The following PPP1R16B variants were observed in gnomAD, a reference collection of about 807,000 sequenced individuals.
PPP1R16B encodes protein phosphatase 1 regulatory inhibitor subunit 16B.
In PPP1R16B, 14 loss-of-function variants were observed where a neutral mutation model predicts 61.7. The observed-to-expected ratio is 0.23, with a 90% CI of 0.15 to 0.35. The LOEUF (loss-of-function observed/expected upper bound fraction) is 0.35. Among genes scored for constraint, PPP1R16B ranks in the 10% least tolerant of loss-of-function variants. PPP1R16B has a pLI of 1.00. For synonymous variants in PPP1R16B, 266 were observed against 305.3 expected (o/e 0.87, Z 1.34); for missense variants, 547 against 752.5 (o/e 0.73, Z 3.19).
At chr20:38,835,677 A>G (rs1286920710) in intron 1 of PPP1R16B, 148 bp from the exon 2 acceptor site, 3 of 484,814 alleles carry the variant, frequency 6.2e-6, no homozygotes, top group African/African-American at 5.9e-5. Flanking sequence ...TGATACTTAC[A>G]GGGCCACTGT....
chr20:38,860,252 G>A lies in PPP1R16B; in HGVS notation c.250+24077G>A, dbSNP rs538966979. Among the ~76,000 whole-genome samples, 6 of 152,170 alleles carry A rather than the reference G, an allele frequency of 3.9e-5. No homozygotes were observed. The South Asian group carries it at 6.2e-4, about 16-fold the overall frequency. ...CATAGTGCTGGGATTAAAGGCATGC[G>A]CCACCATGCCCGGCTAATTTTGTAT... On this transcript the variant is annotated intron_variant, in intron 2 of 10. Coordinates refer to ENST00000299824, the MANE Select transcript of PPP1R16B (RefSeq NM_015568.4).
chr20:38,826,596 C>T (rs555009006), intron 1 of PPP1R16B, among the ~76,000 whole-genome samples: 3 of 152,212 alleles, frequency 2.0e-5, no homozygotes, highest in African/African-American at 7.2e-5. Flanking sequence ...TTCACCCTGA[C>T]AGGCAGAACC....
intron 2 of PPP1R16B, among the ~76,000 whole-genome samples, chr20:38,888,324 C>T (rs377388061): frequency 5.3e-5 from 8 of 152,182 alleles, no homozygotes; most frequent in African/African-American, 1.2e-4. Context: ...CACGATGGCA[C>T]GAGGGCCACC....
At chr20:38,884,102 G>A (rs966623701) in intron 2 of PPP1R16B, among the ~76,000 whole-genome samples, 2 of 152,178 alleles carry the variant, frequency 1.3e-5, no homozygotes, top group South Asian at 4.2e-4. Context: ...TCTCGTCTTT[G>A]TGCTCCCTGA....
intron 2 of PPP1R16B, among the ~76,000 whole-genome samples, chr20:38,861,366 G>A (rs2085049384): frequency 6.6e-6 from 1 of 152,222 alleles, no homozygotes; most frequent in Non-Finnish European, 1.5e-5. Context: ...CCTTCCCACT[G>A]AGGGAGGTAG....
At chr20:38,808,522 G>A (rs1056071151) in intron 1 of PPP1R16B, among the ~76,000 whole-genome samples, 8 of 152,144 alleles carry the variant, frequency 5.3e-5, no homozygotes, top group African/African-American at 1.2e-4. Context: ...AGAAGGGCTC[G>A]GACAAGCCTG....
intron 3 of PPP1R16B, among the ~76,000 whole-genome samples, chr20:38,894,474 C>T (rs1601296342): frequency 6.6e-6 from 1 of 152,342 alleles, no homozygotes; most frequent in African/African-American, 2.4e-5. Flanking sequence ...GGCGTGCACG[C>T]GCACACACAC....
At chr20:38,845,307 T>C (rs1325611728) in intron 2 of PPP1R16B, among the ~76,000 whole-genome samples, 1 of 151,862 alleles carries the variant, frequency 6.6e-6, no homozygotes, top group East Asian at 1.9e-4. Context: ...TAGGGCCAAA[T>C]GTGGTGGCTC....
At position 38,922,438 on chromosome 20, in the gene PPP1R16B, T is replaced by C. The variant is rs1297103697; in HGVS notation, c.*3772T>C. The C allele has an allele frequency of 6.6e-6, 1 of 152,664 alleles. No homozygotes were observed. The highest frequency in any genetic ancestry group is 1.9e-4 in the East Asian group (1 of 5,200). 9.5% of individuals were successfully genotyped at this position (152,664 alleles called of 1,614,324 possible). On this transcript the variant is annotated 3_prime_UTR_variant, in exon 11 of 11. Transcript: ENST00000299824. ...TATTTAACTCTTGCTATTTGTAACTTGGGGATGGTCTCCCCTGCCCCAGGG... is the reference window on the plus strand; with the variant it reads ...TATTTAACTCTTGCTATTTGTAACTCGGGGATGGTCTCCCCTGCCCCAGGG...
At chr20:38,813,420 A>C (rs992473839) in intron 1 of PPP1R16B, among the ~76,000 whole-genome samples, 2 of 152,218 alleles carry the variant, frequency 1.3e-5, no homozygotes, top group Non-Finnish European at 2.9e-5. Context: ...GTATTTTCTC[A>C]AAGTGTGCCA....
Position 38,836,237 on chromosome 20 carries a change from T to C in PPP1R16B, c.250+62T>C, listed in dbSNP as rs950523785. ...CTTGGCCTCTGATCAGGGTTTGGAA[T>C]CCAGGTTCTGTGCAGTAGACGTGTG... On this transcript the variant is annotated intron_variant, in intron 2 of 10. Transcript: ENST00000299824. The C allele has an allele frequency of 7.7e-5, 120 of 1,558,600 alleles. 1 individual carries two copies. In the African/African-American group the frequency reaches 1.5e-3, roughly 20 times the overall value.
In PPP1R16B at chr20:38,834,593, AG is replaced by A. The variant is rs530389981; in HGVS notation, c.-101-1231del. Among the ~76,000 whole-genome samples the A allele has an allele frequency of 1.6e-3, 250 of 152,312 alleles. 3 individuals are homozygous for A. The highest frequency in any genetic ancestry group is 5.9e-3 in the African/African-American group (245 of 41,578). On this transcript the variant is annotated intron_variant, in intron 1 of 10. Transcript: ENST00000299824. ...AAGATTTTCTATGTCCCAGTAGTTC[AG>A]CAGTTTTTAAACTTTTTTGTCTTAG...
At chr20:38,829,976 T>C (rs1247096079) in intron 1 of PPP1R16B, among the ~76,000 whole-genome samples, 1 of 152,244 alleles carries the variant, frequency 6.6e-6, no homozygotes, top group Non-Finnish European at 1.5e-5. Flanking sequence ...CCCCTTTTAC[T>C]GGCCCTTGGG....
rs772960147 is a variant in PPP1R16B at position 38,918,516 on chromosome 20, C to T, written c.1554C>T (p.Ala518=). 2.5e-6 allele frequency: 4 copies of T among 1,598,302 alleles called. No homozygotes were observed. The highest frequency in any genetic ancestry group is 2.2e-5 in the East Asian group (1 of 44,654). ...RTGESSSEGK[A]PLIGGRTSPY... ...GCGAGAGTAGCAGTGAAGGCAAGGC[C>T]CCCTTGATCGGAGGCAGAACTTCAC... Residue 518 remains alanine, a synonymous_variant, in exon 11 of 11, where the codon GCC becomes GCT. Coordinates refer to ENST00000299824, the MANE Select transcript of PPP1R16B (RefSeq NM_015568.4). This position sits in a 1 kb window ranked among gnomAD's most constrained non-coding sequence, Gnocchi z 5.3.
intron 2 of PPP1R16B, among the ~76,000 whole-genome samples, chr20:38,857,896 T>A (rs1355307909): frequency 1.3e-5 from 2 of 151,956 alleles, no homozygotes; most frequent in African/African-American, 4.8e-5. Context: ...TAGGACACTA[T>A]CTTATCTGAG....
intron 5 of PPP1R16B, among the ~76,000 whole-genome samples, chr20:38,901,780 G>C (rs2085395883): frequency 6.6e-6 from 1 of 152,200 alleles, no homozygotes; most frequent in Non-Finnish European, 1.5e-5. Context: ...TAAAGCGTAA[G>C]TACCAAAACA....
intron 2 of PPP1R16B, among the ~76,000 whole-genome samples, chr20:38,837,054 C>T (rs2084877163): frequency 6.6e-6 from 1 of 152,236 alleles, no homozygotes; most frequent in Non-Finnish European, 1.5e-5. Context: ...TGCCAGACCC[C>T]ATGCCTGGCA....
intron 3 of PPP1R16B, among the ~76,000 whole-genome samples, chr20:38,893,577 T>TGGGAGGATGC (rs2085307821): frequency 6.7e-6 from 1 of 148,974 alleles, no homozygotes; most frequent in Non-Finnish European, 1.5e-5. Context: ...AGGGAGGAAG[T>TGGGAGGATGC]GGGAGGAGGC....
chr20:38,903,141 A>T (rs1333376477), intron 6 of PPP1R16B, among the ~76,000 whole-genome samples: 1 of 152,150 alleles, frequency 6.6e-6, no homozygotes, highest in Non-Finnish European at 1.5e-5. Flanking sequence ...TTTAATAAAC[A>T]AACAAACAAA....
Sources: gnomAD v4.1 joint callset for allele counts (sites outside exome capture counted in the v4.1 genomes callset) on GRCh38, gnomAD v4.1.1 for gene constraint, Gnocchi (gnomAD v3.1) non-coding constraint, MANE v1.5 for transcripts, NCBI Gene and HGNC (gene_info 2026-07-23, HGNC 2026-07-21) for gene names.